Variants in DLK1 observed in about 807,000 individuals in gnomAD.
DLK1 encodes protein delta homolog 1.
In DLK1, 9 loss-of-function variants were observed where a neutral mutation model predicts 35.2. The ratio of observed to expected loss-of-function variants is 0.26; its 90% CI spans 0.15 to 0.45. DLK1 has a LOEUF of 0.45. Among genes scored for constraint, DLK1 ranks in the 20% least tolerant of loss-of-function variants. DLK1 has a pLI of 1.00. For missense variants in DLK1, 522 were observed against 528.5 expected (o/e 0.99, Z 0.12); for synonymous variants, 231 against 228.4 (o/e 1.01, Z -0.10).
rs1242866684 is a variant in DLK1 at position 100,735,023 on chromosome 14, A to G, written c.*127A>G. On this transcript the variant is annotated 3_prime_UTR_variant, in exon 5 of 5. Transcript: ENST00000341267. ...TCTGGTGAACGCTACGCTTACATATATTGTCTTTGTGCTGCTGTGTGACAA... is the reference window on the plus strand; with the variant it reads ...TCTGGTGAACGCTACGCTTACATATGTTGTCTTTGTGCTGCTGTGTGACAA... The G allele has an allele frequency of 4.6e-6, 6 of 1,315,418 alleles. No homozygotes were observed. Among genetic ancestry groups the G allele is most frequent in the East Asian group, 2.4e-5 (1 of 41,870 alleles). The allele number at this position is 1,315,418 out of a possible 1,614,324, so 81.5% of individuals were successfully genotyped here. A position where few individuals can be genotyped will look rare whatever the true frequency, so the allele number is the denominator to read the frequency against.
At chr14:100,728,350 C>T in intron 1 of DLK1, 46 bp from the exon 2 acceptor site, 3 of 1,608,736 alleles carry the variant, frequency 1.9e-6, no homozygotes, top group Non-Finnish European at 2.6e-6. Flanking sequence ...TTTGCCTTGG[C>T]CTGGGGCCTG....
At chr14:100,728,278 G>A (rs2036460531) in intron 1 of DLK1, 118 bp from the exon 2 acceptor site, 3 of 1,072,314 alleles carry the variant, frequency 2.8e-6, no homozygotes, top group Non-Finnish European at 4.3e-6. Flanking sequence ...CAGGCTGGTA[G>A]GACCCAAGAG....
At chr14:100,730,952 C>T (rs909284383) in intron 3 of DLK1, among the ~76,000 whole-genome samples, 4 of 151,762 alleles carry the variant, frequency 2.6e-5, no homozygotes, top group Admixed American at 1.3e-4. Flanking sequence ...GGCCTCAGCA[C>T]GGGGGATTTC....
chr14:100,727,110 G>T lies in DLK1; in HGVS notation c.42G>T (p.Leu14=). ...TEALLRVLLL[L]LAFGHSTYGA... is the part of the protein sequence containing the mutation. ...CCCTCCTGCGCGTCCTCTTGCTCCT[G>T]CTGGCTTTCGGCCACAGCACCTATG... Residue 14 remains leucine (L), a synonymous_variant, in exon 1 of 5, where the codon CTG becomes CTT. Coordinates refer to ENST00000341267, the MANE Select transcript of DLK1 (RefSeq NM_003836.7). The T allele has an allele frequency of 6.3e-7, 1 of 1,593,842 alleles. No individual in the cohort carries two copies. The highest frequency in any genetic ancestry group is 8.5e-7 in the Non-Finnish European group (1 of 1,171,384).
intron 2 of DLK1, 139 bp from the exon 3 acceptor site, chr14:100,728,797 G>A: frequency 3.5e-6 from 4 of 1,143,876 alleles, no homozygotes; most frequent in Non-Finnish European, 5.0e-6. Flanking sequence ...TCAGGTGGCT[G>A]GTGTTTACTT....
intron 4 of DLK1, among the ~76,000 whole-genome samples, chr14:100,733,771 C>T (rs2036535229): frequency 6.6e-6 from 1 of 152,186 alleles, no homozygotes; most frequent in Admixed American, 6.5e-5. Context: ...CTCAGTTTCC[C>T]CAGTTGGCTA....
At chr14:100,729,276 G>A (rs1036927325) in intron 3 of DLK1, 10 of 832,826 alleles carry the variant, frequency 1.2e-5, no homozygotes, top group African/African-American at 5.0e-5. Context: ...TCTTCTCTGC[G>A]CCATCAGCAC....
chr14:100,732,574 A>G (rs1294899610), intron 4 of DLK1, among the ~76,000 whole-genome samples: 1 of 152,072 alleles, frequency 6.6e-6, no homozygotes, highest in African/African-American at 2.4e-5. Flanking sequence ...GTTTTGGGGA[A>G]CTGGTGGGCT....
intron 3 of DLK1, 65 bp from the exon 4 acceptor site, chr14:100,731,976 TG>T: frequency 6.5e-7 from 1 of 1,532,870 alleles, no homozygotes; most frequent in South Asian, 1.3e-5. Context: ...TAAAGCCCAC[TG>T]GGGCCCGCAT....
chr14:100,727,619 T>A (rs1567020074), intron 1 of DLK1, among the ~76,000 whole-genome samples: 1 of 152,082 alleles, frequency 6.6e-6, no homozygotes, highest in Non-Finnish European at 1.5e-5. Context: ...CTGCGACACT[T>A]CTGTCTGCAG....
At position 100,736,591 on chromosome 14, in the gene DLK1, C is replaced by T. The variant is rs1453100639; in HGVS notation, c.*1695C>T. 2.6e-5 allele frequency: 4 copies of T among 152,328 alleles called. No homozygotes were observed. Among genetic ancestry groups the T allele is most frequent in the African/African-American group, 7.3e-5 (3 of 41,348 alleles). 9.4% of individuals were successfully genotyped at this position (152,328 alleles called of 1,614,324 possible). A position where few individuals can be genotyped will look rare whatever the true frequency, so the allele number is the denominator to read the frequency against. Reference sequence around the variant, plus strand: ...CAGCATCTGCCCAAACTCCCAACACCCCACTCTCCCCACCAAGCCATTGGT... The same window carrying T: ...CAGCATCTGCCCAAACTCCCAACACTCCACTCTCCCCACCAAGCCATTGGT... On this transcript the variant is annotated 3_prime_UTR_variant, in exon 5 of 5. Coordinates refer to ENST00000341267, the MANE Select transcript of DLK1 (RefSeq NM_003836.7).
chr14:100,734,924 T>G lies in DLK1; in HGVS notation c.*28T>G. On this transcript the variant is annotated 3_prime_UTR_variant, in exon 5 of 5. Transcript: ENST00000341267. This position sits in a 1 kb window ranked among gnomAD's most constrained non-coding sequence, Gnocchi z 7.4. ...AGCGTTCCCACAGCCCCCTCTAGAT[T>G]CTTGGAGTTCCGCAGAGCTTACTAT... 6.5e-7 allele frequency: 1 copy of G among 1,539,862 alleles called. No individual in the cohort carries two copies. The highest frequency in any genetic ancestry group is 8.7e-7 in the Non-Finnish European group (1 of 1,149,068).
chr14:100,732,700 G>A (rs1233843177), intron 4 of DLK1, among the ~76,000 whole-genome samples: 1 of 152,146 alleles, frequency 6.6e-6, no homozygotes, highest in Non-Finnish European at 1.5e-5. Flanking sequence ...TCCTCAGTGG[G>A]GAAGGGGGCT....
At chr14:100,727,208 C>G in intron 1 of DLK1, 73 bp downstream of exon 1, 1 of 1,422,720 alleles carries the variant, frequency 7.0e-7, no homozygotes, top group South Asian at 1.3e-5. Flanking sequence ...GCCCGGTGCC[C>G]CGCACGCCCC....
chr14:100,734,794 G>C lies in DLK1; in HGVS notation c.1050G>C (p.Leu350=). 1 of 1,613,962 alleles carries C rather than the reference G, an allele frequency of 6.2e-7. No homozygotes were observed. Among genetic ancestry groups the C allele is most frequent in the Non-Finnish European group, 8.5e-7 (1 of 1,180,026 alleles). Residue 350 remains leucine, a synonymous_variant, in exon 5 of 5, where the codon CTG becomes CTC. Coordinates refer to ENST00000341267, the MANE Select transcript of DLK1 (RefSeq NM_003836.7). The surrounding 1 kb of genome is among the most constrained non-coding windows in gnomAD (Gnocchi z 7.4). ...NHMLRKKKNL[L]LQYNSGEDLA... Reference sequence around the variant, plus strand: ...TGCTGCGGAAGAAGAAGAACCTGCTGCTTCAGTACAACAGCGGGGAGGACC... The same window carrying C: ...TGCTGCGGAAGAAGAAGAACCTGCTCCTTCAGTACAACAGCGGGGAGGACC...
chr14:100,737,390 G>C lies in DLK1; in HGVS notation c.*2494G>C, dbSNP rs1246584286. ...CTGGACTGAGCCTGCTAACGATTCT[G>C]TTCCTCAGTTTCCCCAAATAGAAAA... On this transcript the variant is annotated 3_prime_UTR_variant, in exon 5 of 5. Transcript: ENST00000341267. 1.3e-5 allele frequency: 2 copies of C among 152,016 alleles called. No individual in the cohort carries two copies. The highest frequency in any genetic ancestry group is 4.8e-5 in the African/African-American group (2 of 41,394). The allele number at this position is 152,016 out of a possible 1,614,324, so 9.4% of individuals were successfully genotyped here.
Position 100,737,657 on chromosome 14 carries a change from G to C in DLK1, c.*2761G>C, listed in dbSNP as rs1219232103. 1 of 153,364 alleles carries C rather than the reference G, an allele frequency of 6.5e-6. No individual in the cohort carries two copies. Among genetic ancestry groups the C allele is most frequent in the Non-Finnish European group, 1.4e-5 (1 of 68,992 alleles). The allele number at this position is 153,364 out of a possible 1,614,324, so 9.5% of individuals were successfully genotyped here. On this transcript the variant is annotated 3_prime_UTR_variant, in exon 5 of 5. Coordinates refer to ENST00000341267, the MANE Select transcript of DLK1 (RefSeq NM_003836.7). ...GGCAGGCAGGACGAGGGGGCAGTCT[G>C]GAGGGGGGTGGACACACAGCTGTCC... is the stretch of plus-strand genomic sequence containing the variant.
chr14:100,727,100 T>C lies in DLK1; in HGVS notation c.32T>C (p.Leu11Pro). ...GCGACCGAAGCCCTCCTGCGCGTCC[T>C]CTTGCTCCTGCTGGCTTTCGGCCAC... MTATEALLRV[L>P]LLLLAFGHST... The change falls in exon 1 of 5, where the codon CTC becomes CCC. Residue 11 changes from leucine to proline, a missense_variant. Transcript: ENST00000341267. 1 of 1,594,202 alleles carries C rather than the reference T, an allele frequency of 6.3e-7. No homozygotes were observed. The highest frequency in any genetic ancestry group is 1.1e-5 in the South Asian group (1 of 88,758).
intron 3 of DLK1, among the ~76,000 whole-genome samples, 198 bp from the exon 4 acceptor site, chr14:100,731,842 TGA>T (rs1172607823): frequency 6.6e-6 from 1 of 152,178 alleles, no homozygotes; most frequent in Non-Finnish European, 1.5e-5. Context: ...TTCTGATCTG[TGA>T]CCTTAGGCAA....
Sources: allele counts gnomAD v4.1 joint callset (sites outside exome capture counted in the v4.1 genomes callset), GRCh38; gene constraint gnomAD v4.1.1; non-coding constraint Gnocchi (gnomAD v3.1); transcripts MANE v1.5; gene names NCBI Gene and HGNC (gene_info 2026-07-23, HGNC 2026-07-21).